Variants in GABBR2 observed in about 807,000 individuals in gnomAD.
The protein encoded by GABBR2 is G-protein coupled receptor 51.
In GABBR2, 23 loss-of-function variants were observed where a neutral mutation model predicts 105.6. The ratio of observed to expected loss-of-function variants is 0.22; its 90% CI spans 0.16 to 0.31. GABBR2 has a LOEUF of 0.31. GABBR2 is among the 10% of genes least tolerant of loss of function. The probability of loss-of-function intolerance (pLI) is 1.00; values close to 1 mark genes in which losing one functional copy is unlikely to be tolerated. For missense variants in GABBR2, 734 were observed against 1,245.5 expected (o/e 0.59, Z 6.18); for synonymous variants, 478 against 499.7 (o/e 0.96, Z 0.58).
At chr9:98,463,286 T>C (rs1193009614) in intron 6 of GABBR2, among the ~76,000 whole-genome samples, 1 of 152,238 alleles carries the variant, frequency 6.6e-6, no homozygotes, top group African/African-American at 2.4e-5. Context: ...ATTCATGGAT[T>C]GGAAGACTTT....
At chr9:98,295,370 A>AG (rs770085701) in intron 17 of GABBR2, among the ~76,000 whole-genome samples, 1 of 152,166 alleles carries the variant, frequency 6.6e-6, no homozygotes, top group Non-Finnish European at 1.5e-5. Context: ...ATGGCCCCCA[A>AG]GCACAGCGCT....
At chr9:98,608,931 T>C (rs2131811763) in intron 1 of GABBR2, among the ~76,000 whole-genome samples, 1 of 152,300 alleles carries the variant, frequency 6.6e-6, no homozygotes, top group Middle Eastern at 3.4e-3. Flanking sequence ...GGAAAATGCA[T>C]TTATAGATCA....
chr9:98,585,604 C>A (rs1487248353), intron 1 of GABBR2, among the ~76,000 whole-genome samples: 1 of 151,526 alleles, frequency 6.6e-6, no homozygotes, highest in Non-Finnish European at 1.5e-5. Context: ...AACAAACCTG[C>A]ACGTTGTGCA....
intron 1 of GABBR2, among the ~76,000 whole-genome samples, chr9:98,707,709 T>A (rs1452697018): frequency 6.6e-6 from 1 of 152,196 alleles, no homozygotes; most frequent in East Asian, 1.9e-4. Context: ...CGGACACCAC[T>A]GCACGTCCGG....
chr9:98,393,133 T>C (rs998890942), intron 9 of GABBR2, among the ~76,000 whole-genome samples: 3 of 131,784 alleles, frequency 2.3e-5, no homozygotes, highest in Admixed American at 8.1e-5. Context: ...CACCCAACCA[T>C]CCATCCATCC....
At chr9:98,391,606 A>C (rs910131158) in intron 9 of GABBR2, among the ~76,000 whole-genome samples, 15 of 152,204 alleles carry the variant, frequency 9.9e-5, no homozygotes, top group Admixed American at 9.2e-4. Flanking sequence ...TGAGTAGAGT[A>C]GTTGGCTGTT....
intron 7 of GABBR2, among the ~76,000 whole-genome samples, chr9:98,410,524 T>C (rs1025814401): frequency 2.4e-4 from 33 of 138,682 alleles, no homozygotes; most frequent in African/African-American, 7.0e-4. Context: ...TTTTTTTTTT[T>C]CTTCCTCTGC....
chr9:98,538,642 A>G, intron 3 of GABBR2: 1 of 977,212 alleles, frequency 1.0e-6, no homozygotes, highest in Non-Finnish European at 1.2e-6. Flanking sequence ...CTAATGCCAC[A>G]GTAATAAGCT....
intron 1 of GABBR2, among the ~76,000 whole-genome samples, chr9:98,706,110 A>C (rs1168834271): frequency 7.2e-3 from 9 of 1,242 alleles, no homozygotes; most frequent in African/African-American, 0.021. Flanking sequence ...CAAAAAAAAC[A>C]AAAAAAAAAA....
intron 1 of GABBR2, among the ~76,000 whole-genome samples, chr9:98,593,003 A>C (rs1829168363): frequency 6.6e-6 from 1 of 152,048 alleles, no homozygotes; most frequent in South Asian, 2.1e-4. Flanking sequence ...TTTTGAAGAC[A>C]GGGTCTCACT....
chr9:98,590,382 T>C (rs1006858535), intron 1 of GABBR2, among the ~76,000 whole-genome samples: 1 of 152,224 alleles, frequency 6.6e-6, no homozygotes. Flanking sequence ...CTGCAGACTG[T>C]GTTATTTGAA....
intron 1 of GABBR2, among the ~76,000 whole-genome samples, chr9:98,656,639 T>C (rs2131849689): frequency 6.6e-6 from 1 of 152,266 alleles, no homozygotes; most frequent in South Asian, 2.1e-4. Context: ...CCTGAAAAAG[T>C]GTTGAGAGAA....
At chr9:98,535,075 C>A (rs1394235826) in intron 3 of GABBR2, among the ~76,000 whole-genome samples, 1 of 152,082 alleles carries the variant, frequency 6.6e-6, no homozygotes, top group Non-Finnish European at 1.5e-5. Context: ...TGGATTCAAC[C>A]AACCATGAAT....
At chr9:98,424,841 A>G (rs1437807841) in intron 7 of GABBR2, among the ~76,000 whole-genome samples, 2 of 152,204 alleles carry the variant, frequency 1.3e-5, no homozygotes, top group African/African-American at 4.8e-5. Flanking sequence ...GAGGATAGAA[A>G]CAAATGGAAG....
intron 9 of GABBR2, among the ~76,000 whole-genome samples, chr9:98,389,298 C>T (rs1328823992): frequency 2.0e-5 from 3 of 152,214 alleles, no homozygotes; most frequent in African/African-American, 7.2e-5. Flanking sequence ...AAAACCATCA[C>T]CATTTATCCC....
chr9:98,309,009 G>A (rs1405301638), intron 14 of GABBR2, among the ~76,000 whole-genome samples: 1 of 152,200 alleles, frequency 6.6e-6, no homozygotes, highest in East Asian at 1.9e-4. Flanking sequence ...ATCTGGCAGT[G>A]GGGTGGACCC....
In GABBR2 at chr9:98,388,364, G is replaced by A. The variant is rs761380802; in HGVS notation, c.1529+490C>T. Among the ~76,000 whole-genome samples the A allele has an allele frequency of 2.6e-5, 4 of 152,184 alleles. No homozygotes were observed. Among genetic ancestry groups the A allele is most frequent in the Admixed American group, 6.5e-5 (1 of 15,286 alleles). On this transcript the variant is annotated intron_variant, in intron 10 of 18. Transcript: ENST00000259455. The surrounding 1 kb of genome is among the most constrained non-coding windows in gnomAD (Gnocchi z 4.4). ...TGATGGAAGGGAGGGCTTCCTGGCCGTAATGAACTGTACCAATGGGAGTCC... is the reference window on the plus strand; with the variant it reads ...TGATGGAAGGGAGGGCTTCCTGGCCATAATGAACTGTACCAATGGGAGTCC...
intron 1 of GABBR2, among the ~76,000 whole-genome samples, chr9:98,637,693 G>T (rs754534698): frequency 1.1e-4 from 17 of 152,098 alleles, no homozygotes; most frequent in Non-Finnish European, 1.9e-4. Flanking sequence ...AAGAAATGTA[G>T]GCAGCTTCTA....
intron 3 of GABBR2, among the ~76,000 whole-genome samples, chr9:98,522,345 C>T (rs1182605430): frequency 6.6e-6 from 1 of 151,928 alleles, no homozygotes; most frequent in African/African-American, 2.4e-5. Flanking sequence ...TAAAAGAAAA[C>T]TAATGCAATC....
Sources: gnomAD v4.1 joint callset for allele counts (sites outside exome capture counted in the v4.1 genomes callset) on GRCh38, gnomAD v4.1.1 for gene constraint, Gnocchi (gnomAD v3.1) non-coding constraint, MANE v1.5 for transcripts, NCBI Gene and HGNC (gene_info 2026-07-23, HGNC 2026-07-21) for gene names.